Variants in MCM9 observed in about 807,000 individuals in gnomAD.
MCM9 encodes the protein minichromosome maintenance 9 homologous recombination repair factor.
In MCM9, 55 loss-of-function variants were observed where a neutral mutation model predicts 72.8. The ratio of observed to expected loss-of-function variants is 0.76; its 90% confidence interval spans 0.61 to 0.95. MCM9 has a LOEUF of 0.95. Among genes scored for constraint, MCM9 ranks in the 40% least tolerant of loss-of-function variants. The pLI is 0.00. For synonymous variants in MCM9, 480 were observed against 503.4 expected (o/e 0.95, Z 0.62); for missense variants, 1,279 against 1,377.0 (o/e 0.93, Z 1.13).
At position 118,917,782 on chromosome 6, in the gene MCM9, A is replaced by T. The variant is rs115859881; in HGVS notation, c.704-21T>A. On this transcript the variant is annotated intron_variant, in intron 5 of 13. Transcript: ENST00000619706. Reference sequence around the variant, plus strand: ...ATCACCTAGGAAAAAGCATCAAGTGAGTCCAGCAGTAGCATCCTGCATGCT... The same window carrying T: ...ATCACCTAGGAAAAAGCATCAAGTGTGTCCAGCAGTAGCATCCTGCATGCT... 3,195 of 1,605,250 alleles carry T rather than the reference A, an allele frequency of 2.0e-3. 53 individuals carry two copies. In the African/African-American group the frequency reaches 0.036, roughly 18 times the overall value.
At chr6:118,893,959 C>G in intron 8 of MCM9, 1 of 906,734 alleles carries the variant, frequency 1.1e-6, no homozygotes, top group South Asian at 5.2e-5. Flanking sequence ...CGGCCACGCC[C>G]CCTCCGCCCC....
At chr6:118,907,799 A>T (rs1173283041) in intron 8 of MCM9, 1 of 526,444 alleles carries the variant, frequency 1.9e-6, no homozygotes, top group Non-Finnish European at 3.3e-6. Context: ...ATTTTTAAGT[A>T]ATTTTTTTCT....
Position 118,827,117 on chromosome 6 carries a change from G to A in MCM9, c.1733-253C>T, listed in dbSNP as rs1393531846. Among the ~76,000 whole-genome samples the A allele has an allele frequency of 2.6e-5, 4 of 152,130 alleles. No individual in the cohort carries two copies. The East Asian group carries it at 5.8e-4, about 22-fold the overall frequency. ...GTACTCTGGGCTCTAGCAAAAAAAC[G>A]GGCTATATAAACATACATTTAATAT... On this transcript the variant is annotated intron_variant, in intron 11 of 13. Transcript: ENST00000619706.
intron 8 of MCM9, among the ~76,000 whole-genome samples, chr6:118,891,290 G>C (rs1181680363): frequency 3.3e-5 from 5 of 152,174 alleles, no homozygotes; most frequent in African/African-American, 9.7e-5. Context: ...CACAGGAAGT[G>C]CTTGGGAACT....
Position 118,856,517 on chromosome 6 carries a change from T to C in MCM9, c.1179A>G (p.Ser393=). ...AGLTVTAVKD[S]GEWNLEAGAL... ...CCCCAGCCTCCAAATTCCATTCTCC[T>C]GAGTCTTTTACAGCAGTTACCGTCA... The change falls in exon 9 of 14, where the codon TCA becomes TCG. Residue 393 remains serine (S), a synonymous_variant. Coordinates refer to ENST00000619706, the MANE Select transcript of MCM9 (RefSeq NM_017696.3). The C allele has an allele frequency of 6.5e-7, 1 of 1,535,622 alleles. No individual in the cohort carries two copies. Among genetic ancestry groups the C allele is most frequent in the Non-Finnish European group, 8.7e-7 (1 of 1,146,874 alleles).
intron 9 of MCM9, among the ~76,000 whole-genome samples, chr6:118,847,015 A>T (rs896623966): frequency 6.6e-6 from 1 of 151,882 alleles, no homozygotes; most frequent in Non-Finnish European, 1.5e-5. Context: ...ATCCTTAAGC[A>T]AACATTTGCA....
rs772873259 is a variant in MCM9, at chr6:118,815,459, G to C, written c.2797C>G (p.His933Asp). The C allele has an allele frequency of 3.2e-6, 5 of 1,550,022 alleles. No homozygotes were observed. The South Asian group carries it at 6.0e-5, about 18-fold the overall frequency. Residue 933 changes from histidine to aspartate, a missense_variant, in exon 14 of 14, where the codon CAC (histidine) becomes GAC (aspartate). His to Asp is a moderately conservative substitution (Grantham distance 81). Coordinates refer to ENST00000619706, the MANE Select transcript of MCM9 (RefSeq NM_017696.3). ...ACATGGCTGTGATCTTCAAAGGAGT[G>C]GATCAGTTTTGACTTCTGCTTGAAA... The part of the protein sequence containing the change: ...FTFKQKSKLI[H>D]SFEDHSHVSP...
At chr6:118,905,738 A>G in intron 8 of MCM9, 1 of 1,613,702 alleles carries the variant, frequency 6.2e-7, no homozygotes. Context: ...ATCGAGGACA[A>G]GAATTTATTA....
At chr6:118,885,992 C>A (rs899146614) in intron 8 of MCM9, among the ~76,000 whole-genome samples, 1 of 151,436 alleles carries the variant, frequency 6.6e-6, no homozygotes, top group Non-Finnish European at 1.5e-5. Context: ...TCCAGGAATG[C>A]AAGGTTCATT....
chr6:118,918,791 T>G (rs537935699), intron 5 of MCM9: 2 of 152,358 alleles, frequency 1.3e-5, no homozygotes, highest in South Asian at 4.1e-4. Flanking sequence ...AATTATATGA[T>G]ATGTGCTGAT....
At chr6:118,882,468 A>G (rs771489145) in intron 8 of MCM9, among the ~76,000 whole-genome samples, 2 of 152,232 alleles carry the variant, frequency 1.3e-5, no homozygotes, top group Non-Finnish European at 2.9e-5. Context: ...CCAGGGAAAC[A>G]GCCAACAAGA....
intron 3 of MCM9, among the ~76,000 whole-genome samples, chr6:118,930,218 C>T (rs1782288459): frequency 6.6e-6 from 1 of 152,292 alleles, no homozygotes; most frequent in East Asian, 1.9e-4. Context: ...TCACACCATT[C>T]TCCTGCCTCA....
At chr6:118,840,124 G>C (rs955947616) in intron 9 of MCM9, among the ~76,000 whole-genome samples, 2 of 151,972 alleles carry the variant, frequency 1.3e-5, no homozygotes, top group Admixed American at 6.6e-5. Flanking sequence ...CCTGTCCAGA[G>C]AGTGACTTAA....
At position 118,893,929 on chromosome 6, in the gene MCM9, G is replaced by C. The variant is rs1002152051; in HGVS notation, c.1150+17721C>G. 6.2e-6 allele frequency: 5 copies of C among 807,254 alleles called. 1 individual carries two copies. The South Asian group carries it at 1.6e-4, about 26-fold the overall frequency. 50.0% of individuals were successfully genotyped at this position (807,254 alleles called of 1,614,324 possible). ...GTCGGCCGGATCGCGCCCTCCCGCCGCAGCCACGCCTCCCCGCCGCGGCCA... is the reference window on the plus strand; with the variant it reads ...GTCGGCCGGATCGCGCCCTCCCGCCCCAGCCACGCCTCCCCGCCGCGGCCA... On this transcript the variant is annotated intron_variant, in intron 8 of 13. Transcript: ENST00000619706.
At chr6:118,909,926 G>A (rs1780418244) in intron 8 of MCM9, among the ~76,000 whole-genome samples, 1 of 152,076 alleles carries the variant, frequency 6.6e-6, no homozygotes, top group Admixed American at 6.6e-5. Flanking sequence ...AGACCAGCCT[G>A]GCCAACATGG....
chr6:118,875,414 T>G (rs1009282944), intron 8 of MCM9, among the ~76,000 whole-genome samples: 2 of 152,198 alleles, frequency 1.3e-5, no homozygotes, highest in East Asian at 3.9e-4. Context: ...AGCAGGCATA[T>G]TGCTTGAGCA....
chr6:118,894,326 G>A, intron 8 of MCM9: 2 of 1,516,104 alleles, frequency 1.3e-6, no homozygotes, highest in Non-Finnish European at 1.8e-6. Context: ...GCTGGAGCGG[G>A]GGTCTGCGCT....
At chr6:118,834,587 T>C (rs1774820943) in intron 9 of MCM9, among the ~76,000 whole-genome samples, 2 of 152,220 alleles carry the variant, frequency 1.3e-5, no homozygotes, top group Non-Finnish European at 2.9e-5. Flanking sequence ...GTGGTTTTGA[T>C]TTGCACTTCT....
chr6:118,831,956 A>T (rs745627341), intron 9 of MCM9, among the ~76,000 whole-genome samples: 1 of 152,202 alleles, frequency 6.6e-6, no homozygotes, highest in Non-Finnish European at 1.5e-5. Context: ...CACTGAGAGG[A>T]GCAGAGCTGA....
Sources: gnomAD v4.1 joint callset for allele counts (sites outside exome capture counted in the v4.1 genomes callset) on GRCh38, gnomAD v4.1.1 for gene constraint, MANE v1.5 for transcripts, NCBI Gene and HGNC (gene_info 2026-07-23, HGNC 2026-07-21) for gene names.